Variants in RPS6KA5 observed in about 807,000 individuals in gnomAD.
The protein encoded by RPS6KA5 is ribosomal protein S6 kinase alpha-5.
RPS6KA5 carries 27 observed loss-of-function variants against 85.5 expected under a neutral mutation model. That is an observed-to-expected ratio of 0.32 (90% confidence interval 0.23 to 0.44). The LOEUF (loss-of-function observed/expected upper bound fraction) is 0.44. RPS6KA5 is among the 20% of genes least tolerant of loss of function. The pLI, the probability that RPS6KA5 is intolerant of heterozygous loss-of-function variation, is 1.00. For synonymous variants in RPS6KA5, 334 were observed against 348.2 expected, an observed-to-expected ratio of 0.96 and a Z score of 0.46; for missense variants, 811 against 980.9, an observed-to-expected ratio of 0.83 and a Z score of 2.31.
intron 12 of RPS6KA5, among the ~76,000 whole-genome samples, chr14:90,898,050 G>C (rs1441429214): frequency 6.6e-6 from 1 of 152,198 alleles, no homozygotes; most frequent in African/African-American, 2.4e-5. Context: ...CAAAGAGTGA[G>C]TAGAGGATGA....
intron 11 of RPS6KA5, 113 bp from the exon 12 acceptor site, chr14:90,899,535 C>T (rs1478854386): frequency 1.7e-5 from 12 of 699,138 alleles, no homozygotes; most frequent in Non-Finnish European, 3.0e-5. Flanking sequence ...ATACATGTTA[C>T]AGTATACTGT....
At chr14:91,040,580 G>A (rs1555382776) in intron 1 of RPS6KA5, among the ~76,000 whole-genome samples, 1 of 152,144 alleles carries the variant, frequency 6.6e-6, no homozygotes, top group Non-Finnish European at 1.5e-5. Flanking sequence ...ACCTGAAAGA[G>A]ATGTAGGCTG....
At chr14:90,877,168 A>T (rs1220021428) in intron 14 of RPS6KA5, among the ~76,000 whole-genome samples, 1 of 152,198 alleles carries the variant, frequency 6.6e-6, no homozygotes, top group Non-Finnish European at 1.5e-5. Flanking sequence ...CTGAAATAGA[A>T]AATTGTGCCT....
intron 3 of RPS6KA5, among the ~76,000 whole-genome samples, chr14:90,968,290 T>C (rs573683411): frequency 2.0e-5 from 3 of 152,138 alleles, no homozygotes; most frequent in South Asian, 2.1e-4. Context: ...CTCACCCTCC[T>C]CTCTCCTCCC....
At chr14:91,002,236 G>C (rs2040823963) in intron 1 of RPS6KA5, among the ~76,000 whole-genome samples, 1 of 151,976 alleles carries the variant, frequency 6.6e-6, no homozygotes, top group African/African-American at 2.4e-5. Context: ...GATTTACTTT[G>C]AAATGCATTT....
chr14:90,877,371 G>A (rs1324377927), intron 14 of RPS6KA5, among the ~76,000 whole-genome samples: 3 of 152,148 alleles, frequency 2.0e-5, no homozygotes, highest in Admixed American at 1.3e-4. Flanking sequence ...GGCAGGCTAC[G>A]ACTAGGTCTG....
chr14:90,878,397 G>A (rs1260387484), intron 14 of RPS6KA5, among the ~76,000 whole-genome samples: 1 of 152,092 alleles, frequency 6.6e-6, no homozygotes, highest in Non-Finnish European at 1.5e-5. Context: ...CGGATGCCAG[G>A]AATTCCGCCC....
intron 15 of RPS6KA5, among the ~76,000 whole-genome samples, chr14:90,874,583 A>T (rs1233951988): frequency 6.6e-6 from 1 of 152,218 alleles, no homozygotes; most frequent in Non-Finnish European, 1.5e-5. Flanking sequence ...GAGTCTCCAA[A>T]GGATTTTTGG....
At chr14:90,935,723 T>TA (rs1380562223) in intron 5 of RPS6KA5, among the ~76,000 whole-genome samples, 1 of 152,210 alleles carries the variant, frequency 6.6e-6, no homozygotes, top group African/African-American at 2.4e-5. Flanking sequence ...TAAGTACAGA[T>TA]ACTCTGTACT....
At chr14:90,925,012 G>A (rs2036583248) in intron 5 of RPS6KA5, among the ~76,000 whole-genome samples, 1 of 152,086 alleles carries the variant, frequency 6.6e-6, no homozygotes, top group Non-Finnish European at 1.5e-5. Flanking sequence ...CTTAATGCTG[G>A]CAAATCTCCA....
chr14:91,016,928 T>A (rs1050795586), intron 1 of RPS6KA5, among the ~76,000 whole-genome samples: 2 of 150,334 alleles, frequency 1.3e-5, no homozygotes, highest in Non-Finnish European at 2.9e-5. Flanking sequence ...CACCAAAGGA[T>A]GACCTCAGCA....
Position 90,868,747 on chromosome 14 carries a change from T to C in RPS6KA5, c.*3327A>G, listed in dbSNP as rs912603139. Reference sequence around the variant, plus strand: ...TAAGTATCCAGTCAATTGTATACTTTTATAAAGTAGTGTATTTGAGAACAT... The same window carrying C: ...TAAGTATCCAGTCAATTGTATACTTCTATAAAGTAGTGTATTTGAGAACAT... On this transcript the variant is annotated 3_prime_UTR_variant, in exon 17 of 17. Transcript: ENST00000614987. 4 of 152,150 alleles carry C rather than the reference T, an allele frequency of 2.6e-5. No individual in the cohort carries two copies. Among genetic ancestry groups the C allele is most frequent in the African/African-American group, 9.7e-5 (4 of 41,426 alleles). The allele number at this position is 152,150 out of a possible 1,614,324, so 9.4% of individuals were successfully genotyped here. A position where few individuals can be genotyped will look rare whatever the true frequency, so the allele number is the denominator to read the frequency against.
At chr14:91,040,335 G>C (rs2042558730) in intron 1 of RPS6KA5, among the ~76,000 whole-genome samples, 1 of 152,214 alleles carries the variant, frequency 6.6e-6, no homozygotes, top group Non-Finnish European at 1.5e-5. Flanking sequence ...TTGAACCCGA[G>C]AGGTGGAGGT....
In RPS6KA5 at chr14:90,861,553, A is replaced by G. The variant is rs1046255380; in HGVS notation, c.*10521T>C. The G allele has an allele frequency of 1.3e-5, 2 of 151,924 alleles. No homozygotes were observed. The highest frequency in any genetic ancestry group is 4.8e-5 in the African/African-American group (2 of 41,382). The allele number at this position is 151,924 out of a possible 1,614,324, so 9.4% of individuals were successfully genotyped here. On this transcript the variant is annotated 3_prime_UTR_variant, in exon 17 of 17. Transcript: ENST00000614987. The stretch of plus-strand genomic sequence containing the variant: ...AAAAAAATAATGTCTTATGAAGTCT[A>G]AAACACATATATAGAGATAAAACAT...
chr14:90,901,912 T>C (rs1393536086), intron 9 of RPS6KA5, among the ~76,000 whole-genome samples: 8 of 152,226 alleles, frequency 5.3e-5, no homozygotes, highest in Non-Finnish European at 7.3e-5. Flanking sequence ...AGGGGCACGG[T>C]GGCTCATGCC....
chr14:90,999,779 T>A (rs1048225227), intron 2 of RPS6KA5, among the ~76,000 whole-genome samples: 5 of 152,204 alleles, frequency 3.3e-5, no homozygotes, highest in African/African-American at 1.2e-4. Context: ...CTCTTCTACA[T>A]GCAGGGATCT....
chr14:90,862,023 G>T lies in RPS6KA5; in HGVS notation c.*10051C>A, dbSNP rs543729273. ...AGCTGTAATCTTTAAGGTACTAAAT[G>T]AATTTCTAAAAATTACTAACGAACT... On this transcript the variant is annotated 3_prime_UTR_variant, in exon 17 of 17. Coordinates refer to ENST00000614987, the MANE Select transcript of RPS6KA5 (RefSeq NM_004755.4). The T allele has an allele frequency of 6.6e-6, 1 of 151,992 alleles. No homozygotes were observed. The highest frequency in any genetic ancestry group is 2.1e-4 in the South Asian group (1 of 4,818). The allele number at this position is 151,992 out of a possible 1,614,324, so 9.4% of individuals were successfully genotyped here.
intron 3 of RPS6KA5, among the ~76,000 whole-genome samples, chr14:90,953,176 T>C (rs1052089639): frequency 6.6e-6 from 1 of 152,230 alleles, no homozygotes; most frequent in Admixed American, 6.5e-5. Flanking sequence ...TGTGAAGATT[T>C]CATTTTAATA....
At chr14:91,056,283 C>T (rs1448377124) in intron 1 of RPS6KA5, among the ~76,000 whole-genome samples, 1 of 152,178 alleles carries the variant, frequency 6.6e-6, no homozygotes, top group Non-Finnish European at 1.5e-5. Context: ...TTATCCCTAT[C>T]CATGTTTACA....
Sources: allele counts gnomAD v4.1 joint callset (sites outside exome capture counted in the v4.1 genomes callset), GRCh38; gene constraint gnomAD v4.1.1; transcripts MANE v1.5; gene names NCBI Gene and HGNC (gene_info 2026-07-23, HGNC 2026-07-21).